Variants in TAF5L observed in about 807,000 individuals in gnomAD.
The protein encoded by TAF5L is TAF5-like RNA polymerase II p300/CBP-associated factor-associated factor 65 kDa subunit 5L.
TAF5L carries 7 observed loss-of-function variants against 51.3 expected under a neutral mutation model. That is an observed-to-expected ratio of 0.14 (90% confidence interval 0.08 to 0.26). TAF5L has a LOEUF of 0.26. Among genes scored for constraint, TAF5L ranks in the 10% least tolerant of loss-of-function variants. The pLI is 1.00. For missense variants in TAF5L, 575 were observed against 758.9 expected, an observed-to-expected ratio of 0.76 and a Z score of 2.85; for synonymous variants, 291 against 308.1, an observed-to-expected ratio of 0.94 and a Z score of 0.58.
chr1:229,614,290 G>A (rs376115147), intron 2 of TAF5L, 51 bp downstream of exon 2: 16 of 1,613,946 alleles, frequency 9.9e-6, no homozygotes, highest in African/African-American at 2.7e-5. Context: ...GGATATTGAC[G>A]TGAGTTCTCC....
chr1:229,598,553 G>A (rs531797371), intron 4 of TAF5L, among the ~76,000 whole-genome samples: 149 of 152,288 alleles, frequency 9.8e-4, no homozygotes, highest in Middle Eastern at 3.4e-3. Context: ...TGCTGGTAGT[G>A]ATAAGGGTAG....
intron 3 of TAF5L, chr1:229,607,413 C>T: frequency 6.1e-6 from 6 of 985,434 alleles, no homozygotes; most frequent in Non-Finnish European, 7.2e-6. Flanking sequence ...CAGCCTGAAA[C>T]CCCCATTCAC....
At chr1:229,600,254 G>A (rs2102741588) in intron 4 of TAF5L, 1 of 985,186 alleles carries the variant, frequency 1.0e-6, no homozygotes, top group South Asian at 4.7e-5. Context: ...AAAATGGGCG[G>A]GCATGCAGGA....
rs78039808 is a variant in TAF5L at position 229,620,938 on chromosome 1, C to T, written c.-4+4947G>A. 2.2e-4 allele frequency among the ~76,000 whole-genome samples: 32 copies of T among 148,428 alleles called. 2 individuals carry two copies. In the East Asian group the frequency reaches 3.5e-3, roughly 16 times the overall value. ...AATGCAGTACATGAGGATTTGAAGA[C>T]GCTTCATTAAAACATTTATGTGTGT... On this transcript the variant is annotated intron_variant, in intron 1 of 4. Transcript: ENST00000258281.
intron 4 of TAF5L, among the ~76,000 whole-genome samples, chr1:229,597,378 G>C (rs976852005): frequency 6.6e-6 from 1 of 152,346 alleles, no homozygotes; most frequent in East Asian, 1.9e-4. Flanking sequence ...TGCTCCCCAG[G>C]GATCTTGATG....
At chr1:229,610,820 G>A (rs978062198) in intron 2 of TAF5L, among the ~76,000 whole-genome samples, 4 of 152,050 alleles carry the variant, frequency 2.6e-5, no homozygotes, top group Non-Finnish European at 5.9e-5. Context: ...AATACCTAAT[G>A]AGTTTTTATT....
intron 1 of TAF5L, among the ~76,000 whole-genome samples, chr1:229,618,706 G>C (rs11803154): frequency 1.2e-4 from 19 of 152,196 alleles, no homozygotes; most frequent in African/African-American, 4.3e-4. Context: ...TGGAACTCTA[G>C]TCTGGTCAAT....
chr1:229,623,957 T>C (rs1212489901), intron 1 of TAF5L, among the ~76,000 whole-genome samples: 4 of 152,174 alleles, frequency 2.6e-5, no homozygotes. Flanking sequence ...GCTGAGAGAA[T>C]GATCAGAACA....
At chr1:229,595,266 T>C (rs535841354) in intron 4 of TAF5L, among the ~76,000 whole-genome samples, 172 bp from the exon 5 acceptor site, 5 of 152,260 alleles carry the variant, frequency 3.3e-5, no homozygotes, top group African/African-American at 9.6e-5. Context: ...CCCAGGAAGA[T>C]AACTCATAAC....
intron 2 of TAF5L, among the ~76,000 whole-genome samples, chr1:229,612,995 T>C (rs969143199): frequency 1.3e-4 from 20 of 151,550 alleles, no homozygotes; most frequent in Non-Finnish European, 2.7e-4. Context: ...GCAATTTTTT[T>C]CCCCCAGAAT....
At chr1:229,597,630 C>T (rs959051077) in intron 4 of TAF5L, among the ~76,000 whole-genome samples, 2 of 152,174 alleles carry the variant, frequency 1.3e-5, no homozygotes, top group Non-Finnish European at 2.9e-5. Flanking sequence ...CAGGATAATA[C>T]CATACCCTAC....
At chr1:229,607,495 ACTCCTCTTCCTC>A in intron 3 of TAF5L, 12 of 984,066 alleles carry the variant, frequency 1.2e-5, no homozygotes, top group Non-Finnish European at 1.4e-5. Context: ...TACCCAAATT[ACTCCTCTTCCTC>A]CTCCTCTTCC....
At chr1:229,609,961 G>T in intron 3 of TAF5L, 145 bp downstream of exon 3, 1 of 639,436 alleles carries the variant, frequency 1.6e-6, no homozygotes, top group Non-Finnish European at 2.7e-6. Flanking sequence ...AGTTGGTTCT[G>T]AGGGAAATCT....
At position 229,608,008 on chromosome 1, in the gene TAF5L, ATAGAC is replaced by A. The variant is rs1664656063; in HGVS notation, c.247+2093_247+2097del. On this transcript the variant is annotated intron_variant, in intron 3 of 4. Transcript: ENST00000258281. ...AGTAAGAACTTAAAGGAAATGGTTGATAGACTATAATCTTTTGAAATGTAAAGTTC... is the reference window on the plus strand; with the variant it reads ...AGTAAGAACTTAAAGGAAATGGTTGATATAATCTTTTGAAATGTAAAGTTC... 2.6e-5 allele frequency among the ~76,000 whole-genome samples: 4 copies of A among 152,226 alleles called. No homozygotes were observed. In the South Asian group the frequency reaches 8.3e-4, roughly 32 times the overall value.
chr1:229,594,647 G>C lies in TAF5L; in HGVS notation c.1420C>G (p.Leu474Val). The change falls in exon 5 of 5, where the codon CTC becomes GTC. Residue 474 changes from leucine (L) to valine (V), a missense_variant. Leu to Val is a conservative substitution (Grantham distance 32, BLOSUM62 1). Coordinates refer to ENST00000258281, the Ensembl canonical transcript of TAF5L. The surrounding 1 kb of genome is among the most constrained non-coding windows in gnomAD (Gnocchi z 7.9). ...TACTTACCGTTGGGAGAAAAGGCGA[G>C]AGAAAGCACGGGGCCACGGTGGCCT... 6.2e-7 allele frequency: 1 copy of C among 1,614,200 alleles called. No individual in the cohort carries two copies. Among genetic ancestry groups the C allele is most frequent in the Non-Finnish European group, 8.5e-7 (1 of 1,180,052 alleles).
chr1:229,596,414 T>C (rs1034187311), intron 4 of TAF5L, among the ~76,000 whole-genome samples: 8 of 152,214 alleles, frequency 5.3e-5, no homozygotes, highest in African/African-American at 1.9e-4. Flanking sequence ...TCCCCCTGCC[T>C]AGTGACCAGC....
chr1:229,602,827 T>A lies in TAF5L; in HGVS notation c.340A>T (p.Ser114Cys), dbSNP rs1291750575. The change falls in exon 4 of 5, where the codon AGC (serine) becomes TGC (cysteine). Residue 114 changes from serine (S) to cysteine (C), a missense_variant. By Grantham distance (112) the Ser-to-Cys change is moderately radical (BLOSUM62 -1). Coordinates refer to ENST00000258281, the Ensembl canonical transcript of TAF5L. The surrounding 1 kb of genome is among the most constrained non-coding windows in gnomAD (Gnocchi z 4.6). ...CGGCTGTAAAAACTTTCCACTGTGCTCTTCGGACTGTTTTGGACCAGGTTG... is the reference window on the plus strand; with the variant it reads ...CGGCTGTAAAAACTTTCCACTGTGCACTTCGGACTGTTTTGGACCAGGTTG... 3.7e-6 allele frequency: 6 copies of A among 1,613,090 alleles called. No individual in the cohort carries two copies. The highest frequency in any genetic ancestry group is 5.1e-6 in the Non-Finnish European group (6 of 1,180,038).
intron 3 of TAF5L, chr1:229,607,129 T>C: frequency 2.0e-6 from 2 of 985,436 alleles, no homozygotes; most frequent in Non-Finnish European, 2.4e-6. Context: ...GACTTATTTA[T>C]TTTCAATAAA....
intron 4 of TAF5L, among the ~76,000 whole-genome samples, chr1:229,597,211 CTG>C (rs1664155425): frequency 6.6e-6 from 1 of 152,180 alleles, no homozygotes; most frequent in Admixed American, 6.5e-5. Context: ...TGAAAGTTAA[CTG>C]TGAATTAAAG....
Sources: gnomAD v4.1 joint callset for allele counts (sites outside exome capture counted in the v4.1 genomes callset) on GRCh38, gnomAD v4.1.1 for gene constraint, Gnocchi (gnomAD v3.1) non-coding constraint, MANE v1.5 for transcripts, NCBI Gene and HGNC (gene_info 2026-07-23, HGNC 2026-07-21) for gene names.